Variants in DLC1 observed in about 807,000 individuals in gnomAD.
The protein encoded by DLC1 is DLC1 Rho GTPase activating protein, also known as rho GTPase-activating protein 7.
Under a neutral mutation model 140.3 loss-of-function variants are expected in DLC1, and 54 were observed. The ratio of observed to expected loss-of-function variants is 0.38; its 90% CI spans 0.31 to 0.48. The LOEUF (loss-of-function observed/expected upper bound fraction) is 0.48. DLC1 is among the 20% of genes least tolerant of loss of function. The pLI is 0.96. For missense variants in DLC1, 2,536 were observed against 1,907.0 expected (o/e 1.33, Z -6.14); for synonymous variants, 986 against 728.1 (o/e 1.35, Z -5.70).
chr8:13,292,296 G>A (rs993738043), intron 5 of DLC1, among the ~76,000 whole-genome samples: 4 of 152,048 alleles, frequency 2.6e-5, no homozygotes, highest in African/African-American at 7.2e-5. Flanking sequence ...GGGGATGAGC[G>A]GTCACTGCTC....
intron 5 of DLC1, among the ~76,000 whole-genome samples, chr8:13,284,749 A>G (rs1260464209): frequency 1.3e-5 from 2 of 152,048 alleles, no homozygotes; most frequent in African/African-American, 4.8e-5. Context: ...CTAGAAATGA[A>G]CAGTTCACAG....
chr8:13,133,143 A>G (rs980484215), intron 5 of DLC1: 49 of 1,450,118 alleles, frequency 3.4e-5, no homozygotes, highest in Non-Finnish European at 3.5e-5. Flanking sequence ...GGCCCCAGAA[A>G]GAAAGCGGGG....
intron 2 of DLC1, among the ~76,000 whole-genome samples, chr8:13,465,298 G>A (rs565032896): frequency 1.8e-4 from 27 of 152,214 alleles, no homozygotes; most frequent in African/African-American, 6.3e-4. Flanking sequence ...GTATGTGAAT[G>A]GTTACATTTA....
At chr8:13,171,753 A>G (rs529819579) in intron 5 of DLC1, among the ~76,000 whole-genome samples, 7 of 152,192 alleles carry the variant, frequency 4.6e-5, no homozygotes, top group African/African-American at 7.2e-5. Flanking sequence ...AGCTGAACAT[A>G]TAACATCTAA....
In DLC1 at chr8:13,254,820, G is replaced by C. The variant is rs896470439; in HGVS notation, c.1348+50449C>G. On this transcript the variant is annotated intron_variant, in intron 5 of 17. Transcript: ENST00000276297. ...GTGTGATATGATTAAAAATCATTTA[G>C]CATTTAACAAAATATTTAGTTTAAC... Among the ~76,000 whole-genome samples, 4 of 152,210 alleles carry C rather than the reference G, an allele frequency of 2.6e-5. No individual in the cohort carries two copies. The East Asian group carries it at 7.7e-4, about 29-fold the overall frequency.
At chr8:13,520,968 T>C (rs1210501931) in intron 1 of DLC1, among the ~76,000 whole-genome samples, 6 of 152,192 alleles carry the variant, frequency 3.9e-5, no homozygotes, top group East Asian at 3.9e-4. Flanking sequence ...ATCTTTAGTA[T>C]GTTCAAGAAA....
chr8:13,166,978 G>T (rs1339163773), intron 5 of DLC1, among the ~76,000 whole-genome samples: 1 of 152,056 alleles, frequency 6.6e-6, no homozygotes, highest in Non-Finnish European at 1.5e-5. Context: ...TGAAAATGAA[G>T]CAAGCGGGGT....
At chr8:13,280,398 G>A (rs570216701) in intron 5 of DLC1, among the ~76,000 whole-genome samples, 1 of 152,098 alleles carries the variant, frequency 6.6e-6, no homozygotes, top group African/African-American at 2.4e-5. Context: ...ATTGGTGGAG[G>A]TGCTGTTTGA....
chr8:13,336,061 A>G (rs1258340332), intron 4 of DLC1, among the ~76,000 whole-genome samples: 3 of 152,182 alleles, frequency 2.0e-5, no homozygotes, highest in African/African-American at 7.2e-5. Context: ...AATCTTTACA[A>G]AAACTGGGCA....
At chr8:13,300,931 G>A (rs1257370170) in intron 5 of DLC1, among the ~76,000 whole-genome samples, 2 of 152,192 alleles carry the variant, frequency 1.3e-5, no homozygotes, top group Non-Finnish European at 2.9e-5. Flanking sequence ...AAGTCCAGTG[G>A]AAAGTGAAGG....
intron 3 of DLC1, among the ~76,000 whole-genome samples, chr8:13,397,098 T>G (rs540423957): frequency 2.0e-5 from 3 of 152,266 alleles, no homozygotes; most frequent in African/African-American, 7.2e-5. Context: ...TCCAGTGTGA[T>G]GTGTGCTAGA....
At chr8:13,572,581 C>T (rs1025257488) in intron 1 of DLC1, among the ~76,000 whole-genome samples, 1 of 151,990 alleles carries the variant, frequency 6.6e-6, no homozygotes, top group Non-Finnish European at 1.5e-5. Flanking sequence ...TGCAAGTTTG[C>T]CCATATATTT....
chr8:13,294,843 G>A (rs1831886277), intron 5 of DLC1, among the ~76,000 whole-genome samples: 1 of 152,160 alleles, frequency 6.6e-6, no homozygotes, highest in Admixed American at 6.5e-5. Flanking sequence ...GCCTCTCTGA[G>A]TCTCAGGTTC....
chr8:13,579,362 T>TATAAAATACATA (rs1491321757), intron 1 of DLC1, among the ~76,000 whole-genome samples: 2 of 26,932 alleles, frequency 7.4e-5, no homozygotes, highest in Non-Finnish European at 1.2e-4. Context: ...TATATATATA[T>TATAAAATACATA]TTTTATATAA....
intron 5 of DLC1, among the ~76,000 whole-genome samples, chr8:13,169,934 C>T (rs1305161185): frequency 2.6e-5 from 4 of 151,568 alleles, no homozygotes; most frequent in East Asian, 1.9e-4. Flanking sequence ...ATGGGAGGAT[C>T]ACTTGAGTCT....
At position 13,103,242 on chromosome 8, in the gene DLC1, C is replaced by T. The variant is rs187496907; in HGVS notation, c.1503-389G>A. Among the ~76,000 whole-genome samples the T allele has an allele frequency of 8.2e-4, 125 of 151,930 alleles. 1 individual carries two copies. Among genetic ancestry groups the T allele is most frequent in the Non-Finnish European group, 1.3e-3 (87 of 67,964 alleles). On this transcript the variant is annotated intron_variant, in intron 7 of 17. Transcript: ENST00000276297. ...AGGAGAATGGCGTGAACCCGGGAGGCGGAGATTGCAGTGAGCCAAGATAGC... is the reference window on the plus strand; with the variant it reads ...AGGAGAATGGCGTGAACCCGGGAGGTGGAGATTGCAGTGAGCCAAGATAGC...
intron 5 of DLC1, among the ~76,000 whole-genome samples, chr8:13,141,483 T>A (rs1822989255): frequency 6.6e-6 from 1 of 152,152 alleles, no homozygotes; most frequent in East Asian, 1.9e-4. Flanking sequence ...CCTTTCACCT[T>A]GTCAGTAAAA....
intron 3 of DLC1, among the ~76,000 whole-genome samples, chr8:13,396,305 C>A (rs918584337): frequency 1.3e-5 from 2 of 152,040 alleles, no homozygotes; most frequent in African/African-American, 4.8e-5. Flanking sequence ...GTGATCCGTC[C>A]GTCTCAGCCT....
intron 4 of DLC1, among the ~76,000 whole-genome samples, chr8:13,320,368 C>G (rs900939680): frequency 6.6e-6 from 1 of 152,316 alleles, no homozygotes; most frequent in African/African-American, 2.4e-5. Context: ...CTTTGCATAA[C>G]TCTAACCTTT....
Sources: allele counts gnomAD v4.1 joint callset (sites outside exome capture counted in the v4.1 genomes callset), GRCh38; gene constraint gnomAD v4.1.1; transcripts MANE v1.5; gene names NCBI Gene and HGNC (gene_info 2026-07-23, HGNC 2026-07-21).